TESK2: variants seen among roughly 807,000 people sequenced by gnomAD.
The protein encoded by TESK2 is testis associated actin remodelling kinase 2.
TESK2 carries 39 observed loss-of-function variants against 57.1 expected under a neutral mutation model. The ratio of observed to expected loss-of-function variants is 0.68; its 90% CI spans 0.53 to 0.89. The LOEUF (loss-of-function observed/expected upper bound fraction) is 0.89, where lower values mean the gene tolerates loss of function less well. TESK2 is among the 40% of genes least tolerant of loss of function. TESK2 has a pLI of 0.00. For missense variants in TESK2, 646 were observed against 732.1 expected (o/e 0.88, Z 1.36); for synonymous variants, 249 against 267.9 (o/e 0.93, Z 0.69).
chr1:45,474,693 G>A (rs1456545561), intron 1 of TESK2, among the ~76,000 whole-genome samples: 1 of 149,906 alleles, frequency 6.7e-6, no homozygotes, highest in Non-Finnish European at 1.5e-5. Flanking sequence ...GGCTAGTCTC[G>A]AACTCCTGAC....
chr1:45,366,460 C>T (rs934462768), intron 4 of TESK2, among the ~76,000 whole-genome samples: 3 of 152,082 alleles, frequency 2.0e-5, no homozygotes, highest in African/African-American at 7.2e-5. Context: ...AGGCTGGGCA[C>T]AGTAGCTCAC....
chr1:45,451,868 T>C (rs1273079511), intron 2 of TESK2, among the ~76,000 whole-genome samples: 1 of 151,742 alleles, frequency 6.6e-6, no homozygotes, highest in Non-Finnish European at 1.5e-5. Flanking sequence ...ACCCTGTCTC[T>C]ACAAAAATAT....
intron 2 of TESK2, among the ~76,000 whole-genome samples, chr1:45,430,511 A>G (rs1236598209): frequency 1.3e-5 from 2 of 152,114 alleles, no homozygotes; most frequent in African/African-American, 4.8e-5. Flanking sequence ...ACAAACAGAA[A>G]AAATAGAGTC....
At chr1:45,416,478 A>G (rs147621793) in intron 3 of TESK2, among the ~76,000 whole-genome samples, 1 of 152,130 alleles carries the variant, frequency 6.6e-6, no homozygotes, top group Non-Finnish European at 1.5e-5. Flanking sequence ...ACTTTTTAAA[A>G]TAGATCAAAC....
intron 4 of TESK2, among the ~76,000 whole-genome samples, chr1:45,376,213 C>CTTTTTTT (rs71052869): frequency 2.5e-5 from 2 of 80,680 alleles, no homozygotes; most frequent in Admixed American, 1.6e-4. Context: ...CTTTCTCTCT[C>CTTTTTTT]TTTTTTTTTT....
chr1:45,438,355 G>A (rs1651311949), intron 2 of TESK2, among the ~76,000 whole-genome samples: 1 of 152,166 alleles, frequency 6.6e-6, no homozygotes, highest in South Asian at 2.1e-4. Context: ...AACTAGCCAG[G>A]CATGGTGGTA....
chr1:45,458,805 G>C (rs193192712), intron 1 of TESK2, among the ~76,000 whole-genome samples: 101 of 152,198 alleles, frequency 6.6e-4, no homozygotes, highest in African/African-American at 2.3e-3. Context: ...CAGTCCAGTA[G>C]AAGTAACTAT....
Position 45,421,801 on chromosome 1 carries a change from T to G in TESK2, c.268A>C (p.Thr90Pro). Residue 90 changes from threonine (T) to proline (P), a missense_variant, in exon 3 of 11, where the codon ACA (threonine) becomes CCA (proline). Transcript: ENST00000372086. ...ATGTTTGCCCGGTTACTGCTCAATG[T>G]GTTCATCTTAAGAGCCATCACCTGA... Reference protein sequence around the residue: ...SGQVMALKMNTLSSNRANMLK... With the variant: ...SGQVMALKMNPLSSNRANMLK... 1.2e-6 allele frequency: 2 copies of G among 1,614,160 alleles called. No homozygotes were observed. The highest frequency in any genetic ancestry group is 3.3e-5 in the Admixed American group (2 of 60,020).
rs534535082 is a variant in TESK2, at chr1:45,461,945, C to T, written c.-86-4074G>A. Among the ~76,000 whole-genome samples the T allele has an allele frequency of 1.8e-3, 273 of 152,248 alleles. 1 individual carries two copies. The highest frequency in any genetic ancestry group is 6.1e-3 in the African/African-American group (252 of 41,544). On this transcript the variant is annotated intron_variant, in intron 1 of 10. Transcript: ENST00000372086. ...TTGTGTTACAAACATTCCAATCGTA[C>T]TCTCCCAGTTATTCTAAAATATACA...
At chr1:45,458,533 C>G (rs1237232332) in intron 1 of TESK2, among the ~76,000 whole-genome samples, 1 of 151,208 alleles carries the variant, frequency 6.6e-6, no homozygotes, top group African/African-American at 2.4e-5. Context: ...CCACTGCACT[C>G]CAGCCTGGGC....
chr1:45,354,207 G>A (rs1437580900), intron 5 of TESK2, among the ~76,000 whole-genome samples: 1 of 152,198 alleles, frequency 6.6e-6, no homozygotes, highest in Non-Finnish European at 1.5e-5. Context: ...CAAGATGTAT[G>A]AGTTGGCTGG....
Position 45,347,983 on chromosome 1 carries a change from C to T in TESK2, c.558G>A (p.Arg186=), listed in dbSNP as rs777994003. 1 of 1,613,206 alleles carries T rather than the reference C, an allele frequency of 6.2e-7. No individual in the cohort carries two copies. The highest frequency in any genetic ancestry group is 1.1e-5 in the South Asian group (1 of 91,058). Residue 186 remains arginine, a synonymous_variant, in exon 6 of 11, where the codon AGG becomes AGA. Transcript: ENST00000372086. ...DLTSKNCLIK[R]DENGYSAVVA... is the part of the protein sequence containing the mutation. ...CCACTGCAGAGTAACCATTCTCATCCCTCTTTATCAGGCAGTTCTAGGGTT... is the reference window on the plus strand; with the variant it reads ...CCACTGCAGAGTAACCATTCTCATCTCTCTTTATCAGGCAGTTCTAGGGTT...
Position 45,345,518 on chromosome 1 carries a change from T to G in TESK2, c.1038A>C (p.Ser346=). The change falls in exon 11 of 11, where the codon TCA becomes TCC. Residue 346 remains serine (S), a synonymous_variant. Coordinates refer to ENST00000372086, the MANE Select transcript of TESK2 (RefSeq NM_007170.3). ...ACTTGTGGGGGATCTTGTCATCCAGTGAGCTTAGTCGCTTCACCCCAGGTG... is the reference window on the plus strand; with the variant it reads ...ACTTGTGGGGGATCTTGTCATCCAGGGAGCTTAGTCGCTTCACCCCAGGTG... ...EKAPGVKRLS[S]LDDKIPHKSP... is the part of the protein sequence containing the mutation. The G allele has an allele frequency of 1.9e-6, 3 of 1,614,144 alleles. No homozygotes were observed. The highest frequency in any genetic ancestry group is 2.5e-6 in the Non-Finnish European group (3 of 1,180,022).
At chr1:45,465,113 G>A (rs1294075495) in intron 1 of TESK2, among the ~76,000 whole-genome samples, 1 of 152,038 alleles carries the variant, frequency 6.6e-6, no homozygotes. Flanking sequence ...ACACACATCT[G>A]TAATCCCAGC....
At position 45,345,974 on chromosome 1, in the gene TESK2, T is replaced by C. The variant is rs953485326; in HGVS notation, c.900A>G (p.Pro300=). Residue 300 remains proline (P), a synonymous_variant, in exon 10 of 11, where the codon CCA becomes CCG. Transcript: ENST00000372086. The part of the protein sequence containing the change: ...NCCNMDPKLR[P]SFVEIGKTLE... Reference sequence around the variant, plus strand: ...GGGTCTTCCCAATCTCCACAAAAGATGGGCGCAGTTTGGGATCCATCTGTA... The same window carrying C: ...GGGTCTTCCCAATCTCCACAAAAGACGGGCGCAGTTTGGGATCCATCTGTA... 6.2e-7 allele frequency: 1 copy of C among 1,614,124 alleles called. No individual in the cohort carries two copies. Among genetic ancestry groups the C allele is most frequent in the South Asian group, 1.1e-5 (1 of 91,084 alleles).
At chr1:45,390,559 C>A (rs1466096867) in intron 3 of TESK2, among the ~76,000 whole-genome samples, 2 of 150,854 alleles carry the variant, frequency 1.3e-5, no homozygotes, top group Non-Finnish European at 2.9e-5. Context: ...AGGTTACATT[C>A]TCTATCTATG....
intron 1 of TESK2, among the ~76,000 whole-genome samples, chr1:45,483,662 G>A (rs565276146): frequency 3.3e-5 from 5 of 152,124 alleles, no homozygotes; most frequent in African/African-American, 1.2e-4. Flanking sequence ...AACAGCAGTA[G>A]TTAAGTTTTG....
intron 1 of TESK2, among the ~76,000 whole-genome samples, chr1:45,480,216 T>C (rs1259178844): frequency 6.6e-6 from 1 of 151,486 alleles, no homozygotes; most frequent in African/African-American, 2.4e-5. Context: ...ATCCCAGCAC[T>C]TTGGGAGGCC....
chr1:45,475,606 G>T (rs1652957530), intron 1 of TESK2, among the ~76,000 whole-genome samples: 1 of 152,198 alleles, frequency 6.6e-6, no homozygotes, highest in South Asian at 2.1e-4. Context: ...TGGTAACTGT[G>T]ATGGTTAATA....
Sources: gnomAD v4.1 joint callset for allele counts (sites outside exome capture counted in the v4.1 genomes callset) on GRCh38, gnomAD v4.1.1 for gene constraint, MANE v1.5 for transcripts, NCBI Gene and HGNC (gene_info 2026-07-23, HGNC 2026-07-21) for gene names.